KCNAB2: variants seen among roughly 807,000 people sequenced by gnomAD.
KCNAB2 encodes potassium voltage-gated channel subfamily A regulatory beta subunit 2, also known as voltage-gated potassium channel subunit beta-2.
KCNAB2 carries 29 observed loss-of-function variants against 63.6 expected under a neutral mutation model. The observed-to-expected ratio is 0.46, with a 90% CI of 0.34 to 0.62. KCNAB2 has a LOEUF of 0.62. Ranked by LOEUF, KCNAB2 falls within the 20% of genes least tolerant of loss-of-function variation. The pLI is 0.01. For missense variants in KCNAB2, 359 were observed against 563.9 expected, an observed-to-expected ratio of 0.64 and a Z score of 3.68; for synonymous variants, 222 against 224.2, an observed-to-expected ratio of 0.99 and a Z score of 0.09.
chr1:6,004,486 T>A (rs1657440773), intron 1 of KCNAB2, among the ~76,000 whole-genome samples: 1 of 152,150 alleles, frequency 6.6e-6, no homozygotes, highest in African/African-American at 2.4e-5. Context: ...TGGGCAGGGT[T>A]GGTTCCCTCT....
At chr1:6,009,259 C>G (rs745623932) in intron 1 of KCNAB2, among the ~76,000 whole-genome samples, 1 of 152,234 alleles carries the variant, frequency 6.6e-6, no homozygotes. Flanking sequence ...CGGCAGGAGG[C>G]CCGCCTGGTA....
In KCNAB2 at chr1:6,098,813, G is replaced by A. The variant is rs959436342; in HGVS notation, c.*239G>A. 6 of 478,500 alleles carry A rather than the reference G, an allele frequency of 1.3e-5. No homozygotes were observed. The Admixed American group carries it at 2.2e-4, about 18-fold the overall frequency. The allele number at this position is 478,500 out of a possible 1,614,324, so 29.6% of individuals were successfully genotyped here. A position where few individuals can be genotyped will look rare whatever the true frequency, so the allele number is the denominator to read the frequency against. On this transcript the variant is annotated 3_prime_UTR_variant, in exon 16 of 16. Coordinates refer to ENST00000378083, the MANE Select transcript of KCNAB2 (RefSeq NM_001199862.2). ...CACTGGTTAGGAAGGATGTTCAAACGGTCCCACCCAAGCCTGTCACCTCTG... is the reference window on the plus strand; with the variant it reads ...CACTGGTTAGGAAGGATGTTCAAACAGTCCCACCCAAGCCTGTCACCTCTG...
intron 4 of KCNAB2, among the ~76,000 whole-genome samples, chr1:6,077,037 T>A (rs543770581): frequency 1.3e-5 from 2 of 151,934 alleles, no homozygotes; most frequent in Non-Finnish European, 2.9e-5. Context: ...TACAAAAAAA[T>A]TAGCGGGGCG....
rs1286237855 is a variant in KCNAB2, at chr1:6,028,517, G to A, written c.-52-12000G>A. ...AGGCCTTCCGGAAGACACCCAGGAC[G>A]TCACACCTAGCCCAGAACAGCCCCC... On this transcript the variant is annotated intron_variant, in intron 1 of 16. Coordinates refer to the KCNAB2 transcript ENST00000341524. The surrounding 1 kb of genome is among the most constrained non-coding windows in gnomAD (Gnocchi z 4.0). 2.6e-5 allele frequency among the ~76,000 whole-genome samples: 4 copies of A among 152,184 alleles called. No individual in the cohort carries two copies. The highest frequency in any genetic ancestry group is 2.1e-4 in the South Asian group (1 of 4,834).
At chr1:6,042,704 C>T (rs2100471029), upstream of KCNAB2, among the ~76,000 whole-genome samples, 1 of 152,332 alleles carries the variant, frequency 6.6e-6, no homozygotes, top group South Asian at 2.1e-4. Context: ...TCTTGGCGGT[C>T]AGGCCGGGAG....
At chr1:6,017,261 CT>C (rs1226371649) in intron 1 of KCNAB2, among the ~76,000 whole-genome samples, 1 of 152,028 alleles carries the variant, frequency 6.6e-6, no homozygotes, top group Non-Finnish European at 1.5e-5. Context: ...TCTTATTGAG[CT>C]TTTTTTGAGA....
Position 6,096,431 on chromosome 1 carries a change from C to T in KCNAB2, c.949-205C>T, listed in dbSNP as rs950030940. 1 of 655,894 alleles carries T rather than the reference C, an allele frequency of 1.5e-6. No individual in the cohort carries two copies. The highest frequency in any genetic ancestry group is 2.6e-6 in the Non-Finnish European group (1 of 384,424). 40.6% of individuals were successfully genotyped at this position (655,894 alleles called of 1,614,324 possible). A position where few individuals can be genotyped will look rare whatever the true frequency, so the allele number is the denominator to read the frequency against. ...CTTCAGAGCCTGGACAGGCCCCGCT[C>T]ATCCACCAGCCCGTGCCCGGCCCAC... On this transcript the variant is annotated intron_variant, in intron 13 of 15. Coordinates refer to ENST00000378083, the MANE Select transcript of KCNAB2 (RefSeq NM_001199862.2). The surrounding 1 kb of genome is among the most constrained non-coding windows in gnomAD (Gnocchi z 5.9).
chr1:6,018,256 G>A (rs915300563), intron 1 of KCNAB2, among the ~76,000 whole-genome samples: 1 of 152,136 alleles, frequency 6.6e-6, no homozygotes, highest in African/African-American at 2.4e-5. Context: ...TTTTCATAGA[G>A]GACCAGATAG....
At chr1:6,064,299 A>G (rs1008275290) in intron 2 of KCNAB2, among the ~76,000 whole-genome samples, 1 of 152,208 alleles carries the variant, frequency 6.6e-6, no homozygotes, top group Non-Finnish European at 1.5e-5. Context: ...ACATGATCAG[A>G]TGTTGAACAG....
intron 1 of KCNAB2, among the ~76,000 whole-genome samples, chr1:5,998,713 A>C (rs1388382097): frequency 6.6e-6 from 1 of 152,166 alleles, no homozygotes; most frequent in East Asian, 1.9e-4. Context: ...TTGAGAGGGG[A>C]AGCAGAGCTG....
rs1665947168 is a variant in KCNAB2 at position 6,100,292 on chromosome 1, C to T, written c.*1718C>T. The T allele has an allele frequency of 4.1e-5, 18 of 436,860 alleles. No homozygotes were observed. The South Asian group carries it at 9.2e-4, about 22-fold the overall frequency. 27.1% of individuals were successfully genotyped at this position (436,860 alleles called of 1,614,324 possible). A position where few individuals can be genotyped will look rare whatever the true frequency, so the allele number is the denominator to read the frequency against. On this transcript the variant is annotated 3_prime_UTR_variant, in exon 16 of 16. Coordinates refer to ENST00000378083, the MANE Select transcript of KCNAB2 (RefSeq NM_001199862.2). ...CTGCCCCTGGCGCCTAGAACCCTTG[C>T]CCCTCCTCATAGACCAAGTCCCGGG...
intron 9 of KCNAB2, 87 bp downstream of exon 9, chr1:6,090,562 G>A (rs985737273): frequency 1.8e-5 from 18 of 998,832 alleles, no homozygotes; most frequent in Non-Finnish European, 2.6e-5. Context: ...GCCAGCATGG[G>A]CCCTGCTGGG....
chr1:6,000,147 C>A (rs1221826371), intron 1 of KCNAB2, among the ~76,000 whole-genome samples: 1 of 152,170 alleles, frequency 6.6e-6, no homozygotes, highest in African/African-American at 2.4e-5. Flanking sequence ...ATAGATCCTG[C>A]AGCGCCTCCC....
At chr1:6,033,303 ATG>A (rs1437390082), upstream of KCNAB2, among the ~76,000 whole-genome samples, 2 of 136,040 alleles carry the variant, frequency 1.5e-5, no homozygotes, top group African/African-American at 2.8e-5. Context: ...GGGTGTGCAT[ATG>A]TGTGTGTGCA....
chr1:6,024,286 A>C lies in KCNAB2; in HGVS notation c.-52-16231A>C, dbSNP rs1205612130. On this transcript the variant is annotated intron_variant, in intron 1 of 16. Coordinates refer to the KCNAB2 transcript ENST00000341524. The surrounding 1 kb of genome is among the most constrained non-coding windows in gnomAD (Gnocchi z 5.4). ...TTTTTGTTAGAGATTGGGTCTCACT[A>C]TGTTGCCCAGACTGGTCTCGAACTC... Among the ~76,000 whole-genome samples the C allele has an allele frequency of 6.6e-6, 1 of 151,962 alleles. No individual in the cohort carries two copies. Among genetic ancestry groups the C allele is most frequent in the African/African-American group, 2.4e-5 (1 of 41,364 alleles).
chr1:6,081,407 C>T (rs1165439772), intron 4 of KCNAB2, among the ~76,000 whole-genome samples: 1 of 152,238 alleles, frequency 6.6e-6, no homozygotes, highest in Non-Finnish European at 1.5e-5. Flanking sequence ...CAACTGAATA[C>T]ACCGCCCTGG....
intron 2 of KCNAB2, among the ~76,000 whole-genome samples, chr1:6,066,465 G>A (rs191468842): frequency 2.0e-5 from 3 of 152,340 alleles, no homozygotes; most frequent in Admixed American, 6.5e-5. Flanking sequence ...TGGAGAATCC[G>A]GTCAGTGCTA....
rs1326513492 is a variant in KCNAB2 at position 6,069,602 on chromosome 1, A to G, written c.219-3153A>G. ...GTCAGGTTTCAACGATGGGGAAGAA[A>G]TCGGTAGAAAATGATCTCTGTGTCT... On this transcript the variant is annotated intron_variant, in intron 2 of 15. Transcript: ENST00000378083. The surrounding 1 kb of genome is among the most constrained non-coding windows in gnomAD (Gnocchi z 5.4). Among the ~76,000 whole-genome samples, 2 of 152,178 alleles carry G rather than the reference A, an allele frequency of 1.3e-5. No homozygotes were observed. Among genetic ancestry groups the G allele is most frequent in the Admixed American group, 1.3e-4 (2 of 15,276 alleles).
At chr1:6,004,099 T>C (rs903243495) in intron 1 of KCNAB2, among the ~76,000 whole-genome samples, 24 of 152,238 alleles carry the variant, frequency 1.6e-4, no homozygotes, top group African/African-American at 5.8e-4. Flanking sequence ...GCTGCAGACA[T>C]TTCAGCCTCG....
Sources: gnomAD v4.1 joint callset for allele counts (sites outside exome capture counted in the v4.1 genomes callset) on GRCh38, gnomAD v4.1.1 for gene constraint, Gnocchi (gnomAD v3.1) non-coding constraint, MANE v1.5 for transcripts, NCBI Gene and HGNC (gene_info 2026-07-23, HGNC 2026-07-21) for gene names.